The following NEBL variants were observed in gnomAD, a reference collection of about 807,000 sequenced individuals.
The protein encoded by NEBL is nebulette.
A neutral mutation model predicts 140.2 loss-of-function variants in NEBL; 122 were observed. The observed-to-expected ratio is 0.87, with a 90% CI of 0.75 to 1.01. The LOEUF (loss-of-function observed/expected upper bound fraction) is 1.01, where lower values mean the gene tolerates loss of function less well. NEBL is among the 50% of genes least tolerant of loss of function. The probability of loss-of-function intolerance (pLI) is 0.00; values close to 1 mark genes in which losing one functional copy is unlikely to be tolerated. For synonymous variants in NEBL, 436 were observed against 398.9 expected (o/e 1.09, Z -1.11); for missense variants, 1,365 against 1,231.3 (o/e 1.11, Z -1.62).
intron 2 of NEBL, among the ~76,000 whole-genome samples, chr10:21,154,352 G>A (rs1252258320): frequency 1.3e-5 from 2 of 151,550 alleles, no homozygotes; most frequent in Admixed American, 1.3e-4. Context: ...CCAGCTACTC[G>A]GGAGGCTGAG....
intron 1 of NEBL, among the ~76,000 whole-genome samples, chr10:21,279,022 C>G (rs1842958298): frequency 6.6e-6 from 1 of 152,176 alleles, no homozygotes; most frequent in Non-Finnish European, 1.5e-5. Context: ...ACAGCTACAA[C>G]AAGCATGTCT....
rs534811171 is a variant in NEBL at position 21,051,895 on chromosome 10, T to A, written c.165-31694A>T. ...TAACTGAAAACTTCACCTATGAGGG[T>A]GTGGTGGTGTGCTGGCCTGTAGTCC... On this transcript the variant is annotated intron_variant, in intron 2 of 6. Coordinates refer to the NEBL transcript ENST00000417816. Among the ~76,000 whole-genome samples, 3 of 152,016 alleles carry A rather than the reference T, an allele frequency of 2.0e-5. No homozygotes were observed. In the East Asian group the frequency reaches 5.8e-4, roughly 29 times the overall value.
intron 2 of NEBL, among the ~76,000 whole-genome samples, chr10:21,033,741 GAAAA>G (rs1167108232): frequency 2.4e-5 from 1 of 41,998 alleles, no homozygotes; most frequent in Non-Finnish European, 4.9e-5. Context: ...CTTTGTCTCC[GAAAA>G]AAAAAAAAAA....
Position 20,939,054 on chromosome 10 carries a change from C to A in NEBL, c.357+22618G>T, listed in dbSNP as rs956183245. ...GGAGAACTTCCCCAATCTAGCAAGGCAGGCCAACATTCAGATTCAGGAAAT... is the reference window on the plus strand; with the variant it reads ...GGAGAACTTCCCCAATCTAGCAAGGAAGGCCAACATTCAGATTCAGGAAAT... On this transcript the variant is annotated intron_variant, in intron 4 of 6. Coordinates refer to the NEBL transcript ENST00000417816. Among the ~76,000 whole-genome samples, 11 of 152,240 alleles carry A rather than the reference C, an allele frequency of 7.2e-5. No homozygotes were observed. In the South Asian group the frequency reaches 1.0e-3, roughly 14 times the overall value.
chr10:21,144,166 G>A (rs776866812), intron 2 of NEBL, among the ~76,000 whole-genome samples: 9 of 152,204 alleles, frequency 5.9e-5, no homozygotes, highest in Admixed American at 2.0e-4. Context: ...CTCCTCCTTT[G>A]TCTTTGTATC....
At chr10:21,079,160 A>T (rs1246304404) in intron 2 of NEBL, among the ~76,000 whole-genome samples, 1 of 152,086 alleles carries the variant, frequency 6.6e-6, no homozygotes, top group East Asian at 1.9e-4. Flanking sequence ...TTCTCTATTA[A>T]CTATAGCCAG....
At chr10:20,943,619 G>A (rs1389286508) in intron 4 of NEBL, among the ~76,000 whole-genome samples, 1 of 151,968 alleles carries the variant, frequency 6.6e-6, no homozygotes, top group Non-Finnish European at 1.5e-5. Flanking sequence ...AGAGCCTTAC[G>A]AATTTATCAC....
intron 1 of NEBL, among the ~76,000 whole-genome samples, chr10:21,289,220 GAACAT>G (rs56240437): frequency 0.04 from 6,146 of 152,040 alleles, 177 homozygotes; most frequent in Middle Eastern, 0.092. Context: ...GAATGAGCAG[GAACAT>G]AATTGCACCT....
chr10:20,886,137 T>C (rs1361634620), intron 4 of NEBL, among the ~76,000 whole-genome samples: 1 of 152,218 alleles, frequency 6.6e-6, no homozygotes, highest in African/African-American at 2.4e-5. Context: ...CACGTTTACC[T>C]ATGTAACAAA....
chr10:20,809,990 C>T (rs892607593), intron 24 of NEBL, 92 bp from the exon 25 acceptor site: 4 of 859,050 alleles, frequency 4.7e-6, no homozygotes, highest in African/African-American at 1.8e-5. Context: ...AGAGTCAAGA[C>T]AAAGTCTGCA....
At chr10:20,974,967 T>A (rs939502280) in intron 3 of NEBL, among the ~76,000 whole-genome samples, 7 of 152,214 alleles carry the variant, frequency 4.6e-5, no homozygotes, top group African/African-American at 1.7e-4. Flanking sequence ...TTGATTGTAT[T>A]TCTATGAAGT....
chr10:20,953,236 T>C (rs548258182), intron 4 of NEBL, among the ~76,000 whole-genome samples: 3 of 152,232 alleles, frequency 2.0e-5, no homozygotes, highest in African/African-American at 4.8e-5. Context: ...CCTGATCCAA[T>C]TGGGTCTGTG....
At chr10:21,065,674 T>C (rs1260218582) in intron 2 of NEBL, among the ~76,000 whole-genome samples, 2 of 152,212 alleles carry the variant, frequency 1.3e-5, no homozygotes, top group East Asian at 1.9e-4. Context: ...ATTGAGCACC[T>C]GCTATGTATG....
chr10:21,264,793 G>A (rs1842779684), intron 1 of NEBL, among the ~76,000 whole-genome samples: 1 of 150,256 alleles, frequency 6.7e-6, no homozygotes, highest in Non-Finnish European at 1.5e-5. Context: ...CAGTTCTGGA[G>A]GCTGGGAAAT....
chr10:21,287,244 C>T (rs1219459481), intron 1 of NEBL, among the ~76,000 whole-genome samples: 1 of 152,088 alleles, frequency 6.6e-6, no homozygotes. Flanking sequence ...GGTCAAGAGC[C>T]AGAGGGTTAG....
rs1473596192 is a variant in NEBL, at chr10:20,780,931, G to T, written c.*4816C>A. ...GTTAATGATTAGGGTAGCCTTGAAG[G>T]GTTTGTGAGTGACTGTACTATACAA... On this transcript the variant is annotated 3_prime_UTR_variant, in exon 28 of 28. Coordinates refer to ENST00000377122, the MANE Select transcript of NEBL (RefSeq NM_006393.3). 3.3e-5 allele frequency: 5 copies of T among 152,144 alleles called. No individual in the cohort carries two copies. Among genetic ancestry groups the T allele is most frequent in the Non-Finnish European group, 5.9e-5 (4 of 68,018 alleles). The allele number at this position is 152,144 out of a possible 1,614,324, so 9.4% of individuals were successfully genotyped here.
chr10:21,182,728 A>T (rs1174009464), intron 3 of NEBL, among the ~76,000 whole-genome samples: 1 of 152,242 alleles, frequency 6.6e-6, no homozygotes, highest in Non-Finnish European at 1.5e-5. Context: ...GTGTAATTTT[A>T]AATTTTCTGG....
At chr10:21,184,748 A>T (rs149505640) in intron 3 of NEBL, among the ~76,000 whole-genome samples, 40 of 152,364 alleles carry the variant, frequency 2.6e-4, no homozygotes, top group African/African-American at 8.2e-4. Context: ...GAATTTTATG[A>T]CATAAGAAGA....
intron 4 of NEBL, among the ~76,000 whole-genome samples, chr10:20,944,322 C>T (rs1010852956): frequency 6.6e-5 from 10 of 152,132 alleles, no homozygotes; most frequent in Non-Finnish European, 1.2e-4. Context: ...ATCACGTGAA[C>T]CTGGGAGGCG....
Sources: gnomAD v4.1 joint callset for allele counts (sites outside exome capture counted in the v4.1 genomes callset) on GRCh38, gnomAD v4.1.1 for gene constraint, MANE v1.5 for transcripts, NCBI Gene and HGNC (gene_info 2026-07-23, HGNC 2026-07-21) for gene names.